The following ACAD11 variants were observed in gnomAD, a reference collection of about 807,000 sequenced individuals.
The protein encoded by ACAD11 is acyl-Coenzyme A dehydrogenase family, member 11.
ACAD11 carries 83 observed loss-of-function variants against 102.2 expected under a neutral mutation model. That is an observed-to-expected ratio of 0.81 (90% CI 0.68 to 0.97). The LOEUF is 0.97. ACAD11 is among the 50% of genes least tolerant of loss of function. The pLI is 0.00. For missense variants in ACAD11, 901 were observed against 951.7 expected (o/e 0.95, Z 0.70); for synonymous variants, 324 against 319.8 (o/e 1.01, Z -0.14).
chr3:132,579,869 A>G (rs1937574256), intron 13 of ACAD11, among the ~76,000 whole-genome samples: 1 of 152,170 alleles, frequency 6.6e-6, no homozygotes, highest in Admixed American at 6.5e-5. Flanking sequence ...AAAAGCTGAG[A>G]AATTTTATAT....
At position 132,558,767 on chromosome 3, in the gene ACAD11, C is replaced by T. The variant is rs1014355357; in HGVS notation, c.*204G>A. 1.9e-6 allele frequency: 1 copy of T among 514,340 alleles called. No individual in the cohort carries two copies. Among genetic ancestry groups the T allele is most frequent in the South Asian group, 2.8e-5 (1 of 35,912 alleles). 31.9% of individuals were successfully genotyped at this position (514,340 alleles called of 1,614,324 possible). ...GCACTAGATTGAATGACAACAGCTA[C>T]AGCATTTCTTACTGAACTTAACCCT... is the stretch of plus-strand genomic sequence containing the variant. On this transcript the variant is annotated 3_prime_UTR_variant, in exon 20 of 20. Coordinates refer to ENST00000264990, the MANE Select transcript of ACAD11 (RefSeq NM_032169.5).
chr3:132,596,795 T>G (rs193018730), intron 13 of ACAD11, among the ~76,000 whole-genome samples: 1 of 152,182 alleles, frequency 6.6e-6, no homozygotes, highest in Admixed American at 6.5e-5. Flanking sequence ...AAATAAATAT[T>G]AAATGATGTG....
chr3:132,561,404 G>A, intron 17 of ACAD11, 187 bp from the exon 18 acceptor site: 2 of 610,562 alleles, frequency 3.3e-6, no homozygotes, highest in Non-Finnish European at 6.1e-6. Context: ...CCACATACTT[G>A]TGGAATGCTT....
chr3:132,630,968 G>A (rs1940014604), intron 6 of ACAD11, among the ~76,000 whole-genome samples: 1 of 150,698 alleles, frequency 6.6e-6, no homozygotes, highest in Non-Finnish European at 1.5e-5. Flanking sequence ...CTACTCAGAA[G>A]GCTGAAGTGG....
intron 13 of ACAD11, among the ~76,000 whole-genome samples, chr3:132,580,447 G>T (rs999017278): frequency 6.6e-6 from 1 of 151,572 alleles, no homozygotes; most frequent in African/African-American, 2.4e-5. Flanking sequence ...GCAATAAAAA[G>T]AAAAAAGAGA....
At chr3:132,571,163 A>G (rs559029861) in intron 17 of ACAD11, among the ~76,000 whole-genome samples, 236 of 152,180 alleles carry the variant, frequency 1.6e-3, no homozygotes, top group Non-Finnish European at 2.7e-3. Context: ...CCAGCCCAGC[A>G]TCTGTTATTT....
intron 9 of ACAD11, among the ~76,000 whole-genome samples, chr3:132,626,170 C>A (rs1939800203): frequency 6.6e-6 from 1 of 152,162 alleles, no homozygotes; most frequent in African/African-American, 2.4e-5. Flanking sequence ...TAAGCATCAT[C>A]AAGTACCCAA....
intron 5 of ACAD11, among the ~76,000 whole-genome samples, chr3:132,637,179 T>C (rs776287083): frequency 5.9e-5 from 9 of 151,870 alleles, no homozygotes; most frequent in African/African-American, 2.2e-4. Flanking sequence ...TTAGAAAAAA[T>C]AAAAAGTAAA....
chr3:132,614,619 C>T (rs1467530595), intron 11 of ACAD11, among the ~76,000 whole-genome samples: 3 of 152,146 alleles, frequency 2.0e-5, no homozygotes, highest in Non-Finnish European at 4.4e-5. Flanking sequence ...ACTGGCTAGC[C>T]ATATGCAGAA....
chr3:132,602,899 G>T (rs1559951909), intron 13 of ACAD11, among the ~76,000 whole-genome samples: 1 of 152,078 alleles, frequency 6.6e-6, no homozygotes. Context: ...GCCACCCGGG[G>T]TCAAGCAAAT....
At chr3:132,628,553 T>A in intron 7 of ACAD11, 107 bp from the exon 8 acceptor site, 1 of 726,286 alleles carries the variant, frequency 1.4e-6, no homozygotes, top group Admixed American at 2.8e-5. Flanking sequence ...TCACAGGGTA[T>A]GAAGACGTAA....
intron 1 of ACAD11, among the ~76,000 whole-genome samples, chr3:132,648,177 C>T (rs1940786452): frequency 6.6e-6 from 1 of 152,142 alleles, no homozygotes; most frequent in Admixed American, 6.5e-5. Context: ...TAGCAAAGGA[C>T]ATAACTAGTT....
intron 11 of ACAD11, among the ~76,000 whole-genome samples, chr3:132,608,445 G>T (rs1019445097): frequency 1.3e-5 from 2 of 151,860 alleles, no homozygotes; most frequent in Non-Finnish European, 1.5e-5. Context: ...CCAAGAAAAT[G>T]GAAAGCAAAA....
intron 7 of ACAD11, among the ~76,000 whole-genome samples, chr3:132,628,987 T>C: frequency 6.6e-6 from 1 of 152,172 alleles, no homozygotes; most frequent in East Asian, 1.9e-4. Flanking sequence ...TCCTCTTCCC[T>C]AAAAACAAAC....
At chr3:132,566,434 C>T (rs1471530636) in intron 17 of ACAD11, among the ~76,000 whole-genome samples, 2 of 151,510 alleles carry the variant, frequency 1.3e-5, no homozygotes, top group Admixed American at 6.6e-5. Context: ...TGGTTGAAAA[C>T]ATCCCAAATT....
intron 9 of ACAD11, chr3:132,621,242 A>G (rs943401197): frequency 6.6e-6 from 1 of 152,210 alleles, no homozygotes; most frequent in African/African-American, 2.4e-5. Flanking sequence ...AGCTCTTAGA[A>G]AGAGGAGGTT....
chr3:132,613,609 C>A (rs1308101614), intron 11 of ACAD11, among the ~76,000 whole-genome samples: 1 of 151,934 alleles, frequency 6.6e-6, no homozygotes, highest in Non-Finnish European at 1.5e-5. Context: ...TTAGAAAACC[C>A]CATCATTGGC....
intron 1 of ACAD11, among the ~76,000 whole-genome samples, chr3:132,659,083 G>A (rs1576633936): frequency 6.6e-6 from 1 of 152,184 alleles, no homozygotes; most frequent in East Asian, 1.9e-4. Context: ...GCTACTCTCA[G>A]GATCCTCTCA....
intron 11 of ACAD11, among the ~76,000 whole-genome samples, chr3:132,606,988 C>A (rs777161876): frequency 6.6e-6 from 1 of 152,160 alleles, no homozygotes; most frequent in Non-Finnish European, 1.5e-5. Flanking sequence ...TCCGGGCAAA[C>A]AGGGTTGGGA....
Sources: gnomAD v4.1 joint callset for allele counts (sites outside exome capture counted in the v4.1 genomes callset) on GRCh38, gnomAD v4.1.1 for gene constraint, MANE v1.5 for transcripts, NCBI Gene and HGNC (gene_info 2026-07-23, HGNC 2026-07-21) for gene names.